Variants in PRP4K observed in about 807,000 individuals in gnomAD.
PRP4K encodes the protein pre-mRNA processing factor kinase PRP4K, also known as serine/threonine-protein kinase PRP4 homolog.
the PRP4K span, chr6:4,057,039 T>C: frequency 6.4e-7 from 1 of 1,560,912 alleles, no homozygotes; most frequent in Non-Finnish European, 8.6e-7. Flanking sequence ...TTTTCAGTTA[T>C]AGGTAAAAGC....
the PRP4K span, among the ~76,000 whole-genome samples, chr6:4,028,554 G>A: frequency 6.6e-6 from 1 of 152,242 alleles, no homozygotes; most frequent in East Asian, 1.9e-4. Flanking sequence ...CCAAGTCTTT[G>A]AGAAAAATTA....
At chr6:4,064,565 A>G in the PRP4K span, 3 of 152,444 alleles carry the variant, frequency 2.0e-5, no homozygotes, top group Non-Finnish European at 4.4e-5. Context: ...TGACATCTTT[A>G]CCAATTGGGC....
chr6:4,025,249 T>C, the PRP4K span, among the ~76,000 whole-genome samples: 1 of 152,232 alleles, frequency 6.6e-6, no homozygotes. Context: ...ATTGTCAGTA[T>C]AAACTATCCA....
the PRP4K span, among the ~76,000 whole-genome samples, chr6:4,021,684 C>A: frequency 6.6e-6 from 1 of 152,212 alleles, no homozygotes; most frequent in Non-Finnish European, 1.5e-5. Flanking sequence ...CCGCGGCCTG[C>A]CGCGCGTCGT....
At chr6:4,026,315 T>G in the PRP4K span, among the ~76,000 whole-genome samples, 14 of 150,348 alleles carry the variant, frequency 9.3e-5, no homozygotes, top group South Asian at 2.1e-4. Flanking sequence ...TTTTTTTTTT[T>G]TTTTGGAGAC....
chr6:4,047,060 C>A, the PRP4K span: 4 of 776,480 alleles, frequency 5.2e-6, no homozygotes, highest in East Asian at 7.4e-5. Flanking sequence ...TGTTGGGAAA[C>A]TGATGTGCAA....
At chr6:4,059,309 C>T in the PRP4K span, among the ~76,000 whole-genome samples, 1 of 152,166 alleles carries the variant, frequency 6.6e-6, no homozygotes, top group African/African-American at 2.4e-5. Flanking sequence ...TGGTTCAGAC[C>T]TTTGTGCCTT....
At chr6:4,058,060 C>T in the PRP4K span, among the ~76,000 whole-genome samples, 1 of 152,126 alleles carries the variant, frequency 6.6e-6, no homozygotes, top group Non-Finnish European at 1.5e-5. Flanking sequence ...GTGTCCCAGA[C>T]TGGAGTACAG....
At chr6:4,059,784 T>C in the PRP4K span, among the ~76,000 whole-genome samples, 1 of 152,174 alleles carries the variant, frequency 6.6e-6, no homozygotes, top group Admixed American at 6.5e-5. Context: ...TAGCTGGGAT[T>C]ACAATTGTGT....
At chr6:4,040,797 C>T in the PRP4K span, 27 of 1,613,932 alleles carry the variant, frequency 1.7e-5, no homozygotes, top group Admixed American at 1.3e-4. Context: ...GAGCAGATCA[C>T]GCTTGCGAAG....
At chr6:4,031,574 T>C in the PRP4K span, 6 of 1,561,354 alleles carry the variant, frequency 3.8e-6, no homozygotes, top group Admixed American at 6.6e-5. Flanking sequence ...AAGATGCTAA[T>C]TCTGAAAAGA....
chr6:4,029,022 T>TTTTTTTTTTTTTTTG, the PRP4K span, among the ~76,000 whole-genome samples: 2 of 11,058 alleles, frequency 1.8e-4, 1 homozygote, highest in Non-Finnish European at 3.3e-4. Flanking sequence ...CTTTTTTTTT[T>TTTTTTTTTTTTTTTG]TTTTTTTTTT....
the PRP4K span, among the ~76,000 whole-genome samples, chr6:4,040,416 C>T: frequency 6.6e-6 from 1 of 152,124 alleles, no homozygotes; most frequent in African/African-American, 2.4e-5. Flanking sequence ...TGTATACAAC[C>T]GTGGTGCTGT....
At chr6:4,022,639 A>G in the PRP4K span, among the ~76,000 whole-genome samples, 78 of 152,312 alleles carry the variant, frequency 5.1e-4, 2 homozygotes, top group South Asian at 0.016. Context: ...AATCATCTGC[A>G]TTACTCAGCT....
At chr6:4,052,168 G>T in the PRP4K span, 1 of 1,433,426 alleles carries the variant, frequency 7.0e-7, no homozygotes, top group East Asian at 2.4e-5. Context: ...TTGGATAAAT[G>T]CTGTAACAGA....
chr6:4,031,788 G>C, the PRP4K span: 1 of 1,613,032 alleles, frequency 6.2e-7, no homozygotes, highest in Non-Finnish European at 8.5e-7. Flanking sequence ...TGATAAAGAG[G>C]GTATGTCTCC....
chr6:4,040,779 GGTC>G, the PRP4K span: 1 of 1,613,684 alleles, frequency 6.2e-7, no homozygotes. Context: ...TAGGGACAGA[GGTC>G]GGAGGAGCAG....
the PRP4K span, chr6:4,056,184 T>C: frequency 4.9e-6 from 3 of 617,672 alleles, no homozygotes; most frequent in Non-Finnish European, 5.5e-6. Flanking sequence ...TAAAAATAAA[T>C]AGAAAAGGAA....
chr6:4,050,087 C>T, the PRP4K span, among the ~76,000 whole-genome samples: 2 of 916 alleles, frequency 2.2e-3, 1 homozygote, highest in African/African-American at 0.012. Flanking sequence ...AGTGCAGTGG[C>T]GCAATCTCGG....
Sources: allele counts gnomAD v4.1 joint callset (sites outside exome capture counted in the v4.1 genomes callset), GRCh38; gene constraint gnomAD v4.1.1; transcripts MANE v1.5; gene names NCBI Gene and HGNC (gene_info 2026-07-23, HGNC 2026-07-21).